The following TBC1D5 variants were observed in gnomAD, a reference collection of about 807,000 sequenced individuals.
TBC1D5 encodes the protein TBC1 domain family member 5.
Under a neutral mutation model 100.3 loss-of-function variants are expected in TBC1D5, and 75 were observed. That is an observed-to-expected ratio of 0.75 (90% CI 0.62 to 0.91). The LOEUF (loss-of-function observed/expected upper bound fraction) is 0.91. TBC1D5 is among the 40% of genes least tolerant of loss of function. The pLI is 0.00. For missense variants in TBC1D5, 910 were observed against 942.4 expected, an observed-to-expected ratio of 0.97 and a Z score of 0.45; for synonymous variants, 323 against 325.6, an observed-to-expected ratio of 0.99 and a Z score of 0.09.
intron 3 of TBC1D5, among the ~76,000 whole-genome samples, chr3:17,436,177 A>G (rs1480079096): frequency 6.6e-6 from 1 of 152,234 alleles, no homozygotes; most frequent in Non-Finnish European, 1.5e-5. Context: ...CATAATTAAA[A>G]GCTAAGACTC....
At chr3:17,178,332 T>C (rs2068050589) in intron 19 of TBC1D5, among the ~76,000 whole-genome samples, 1 of 152,030 alleles carries the variant, frequency 6.6e-6, no homozygotes, top group South Asian at 2.1e-4. Flanking sequence ...CCCAAAGTGC[T>C]GGGATTACAG....
intron 16 of TBC1D5, among the ~76,000 whole-genome samples, chr3:17,244,733 G>C (rs2076582249): frequency 1.3e-5 from 2 of 151,924 alleles, no homozygotes; most frequent in African/African-American, 2.4e-5. Context: ...TGTCATTATT[G>C]ATCTGCTGAG....
Position 17,612,299 on chromosome 3 carries a change from CAAAAAAAAAAA to C in TBC1D5, c.-36+11539_-36+11549del, listed in dbSNP as rs111532896. 8.2e-5 allele frequency among the ~76,000 whole-genome samples: 5 copies of C among 61,020 alleles called. No individual in the cohort carries two copies. The South Asian group carries it at 2.4e-3, about 29-fold the overall frequency. 40.0% of individuals were successfully genotyped at this position (61,020 alleles called of 152,430 possible). On this transcript the variant is annotated intron_variant, in intron 2 of 21. Transcript: ENST00000253692. ...TGGGTGACAGACTAAGACACCGTCTCAAAAAAAAAAAAAAAAAGAATTGAAAAGAAGAAATA... is the reference window on the plus strand; with the variant it reads ...TGGGTGACAGACTAAGACACCGTCTCAAAAAAGAATTGAAAAGAAGAAATA...
In TBC1D5 at chr3:17,624,339, A is replaced by C. The variant is rs371279206; in HGVS notation, c.-100-426T>G. On this transcript the variant is annotated intron_variant, in intron 1 of 21. Coordinates refer to ENST00000253692, the Ensembl canonical transcript of TBC1D5. The stretch of plus-strand genomic sequence containing the variant: ...TGCCTTTATTTTTTTATAATTAAGC[A>C]ATTTTAGAGTATTTTTGTCACAACG... 1.1e-3 allele frequency among the ~76,000 whole-genome samples: 165 copies of C among 152,258 alleles called. 2 individuals carry two copies. The South Asian group carries it at 0.018, about 17-fold the overall frequency.
chr3:17,645,289 A>G (rs2064912358), intron 1 of TBC1D5, among the ~76,000 whole-genome samples: 1 of 151,984 alleles, frequency 6.6e-6, no homozygotes, highest in African/African-American at 2.4e-5. Context: ...GGGGAGATAC[A>G]GAGGAGAGTA....
At chr3:17,707,604 A>G (rs559902373) in intron 1 of TBC1D5, among the ~76,000 whole-genome samples, 7 of 152,208 alleles carry the variant, frequency 4.6e-5, no homozygotes, top group Non-Finnish European at 1.0e-4. Flanking sequence ...TCTAATATAA[A>G]AAGATGATGT....
At chr3:17,342,449 C>T (rs925704344) in intron 13 of TBC1D5, among the ~76,000 whole-genome samples, 3 of 152,204 alleles carry the variant, frequency 2.0e-5, no homozygotes, top group Non-Finnish European at 4.4e-5. Flanking sequence ...ATTTCTTCTA[C>T]ACACCAAGAT....
At chr3:17,489,673 A>G (rs1198742700) in intron 3 of TBC1D5, among the ~76,000 whole-genome samples, 1 of 152,198 alleles carries the variant, frequency 6.6e-6, no homozygotes, top group African/African-American at 2.4e-5. Context: ...ATGATACTGC[A>G]AAGGACATGA....
chr3:17,487,645 T>TA (rs1231072052), intron 3 of TBC1D5, among the ~76,000 whole-genome samples: 1 of 152,148 alleles, frequency 6.6e-6, no homozygotes, highest in African/African-American at 2.4e-5. Context: ...CTATTTCTAA[T>TA]AATTTGTAAT....
intron 18 of TBC1D5, among the ~76,000 whole-genome samples, chr3:17,185,502 A>G (rs778544783): frequency 6.6e-6 from 1 of 152,366 alleles, no homozygotes; most frequent in Middle Eastern, 3.4e-3. Context: ...ATTTGCATAT[A>G]CAACCTTGTA....
chr3:17,452,232 A>G lies in TBC1D5; in HGVS notation c.98-23713T>C, dbSNP rs150038172. The stretch of plus-strand genomic sequence containing the variant: ...GAGAAAATCAACTTCGCTAGAAGGA[A>G]GACAGGAAGGAAGGAAGGGAAGATT... On this transcript the variant is annotated intron_variant, in intron 3 of 21. Transcript: ENST00000253692. Among the ~76,000 whole-genome samples, 385 of 152,312 alleles carry G rather than the reference A, an allele frequency of 2.5e-3. 2 individuals are homozygous for G. The highest frequency in any genetic ancestry group is 8.5e-3 in the African/African-American group (355 of 41,558).
chr3:17,607,647 C>T (rs1217364904), intron 2 of TBC1D5, among the ~76,000 whole-genome samples: 3 of 151,984 alleles, frequency 2.0e-5, no homozygotes. Context: ...AGATGCAATT[C>T]CTTGCCCCCG....
chr3:17,180,602 G>T (rs2068330429), intron 19 of TBC1D5, among the ~76,000 whole-genome samples: 2 of 152,296 alleles, frequency 1.3e-5, no homozygotes, highest in South Asian at 2.1e-4. Flanking sequence ...GCCATAAAAA[G>T]AATGAAATCA....
chr3:17,718,604 T>C (rs1481435389), intron 1 of TBC1D5, among the ~76,000 whole-genome samples: 1 of 151,800 alleles, frequency 6.6e-6, no homozygotes, highest in Admixed American at 6.6e-5. Flanking sequence ...CTCAAAAAAA[T>C]AAAATAAAAT....
At chr3:17,261,752 G>A (rs1170347764) in intron 15 of TBC1D5, among the ~76,000 whole-genome samples, 3 of 151,922 alleles carry the variant, frequency 2.0e-5, no homozygotes, top group Non-Finnish European at 4.4e-5. Flanking sequence ...TGAACTCCTG[G>A]AATCAAGTGA....
chr3:17,303,074 A>C (rs112969682), intron 14 of TBC1D5, among the ~76,000 whole-genome samples: 3 of 152,118 alleles, frequency 2.0e-5, no homozygotes, highest in African/African-American at 7.2e-5. Context: ...CCTCCCATGC[A>C]ACTCTGTCCA....
At chr3:17,427,308 A>G (rs182430224) in intron 4 of TBC1D5, among the ~76,000 whole-genome samples, 42 of 152,096 alleles carry the variant, frequency 2.8e-4, no homozygotes, top group Admixed American at 2.0e-3. Flanking sequence ...TAAAATAAAG[A>G]TATCAAGTGT....
intron 2 of TBC1D5, among the ~76,000 whole-genome samples, chr3:17,564,168 A>G (rs1160091785): frequency 6.6e-6 from 1 of 152,208 alleles, no homozygotes; most frequent in Non-Finnish European, 1.5e-5. Flanking sequence ...AACAAAAAAT[A>G]AAGATAGTTT....
At chr3:17,589,152 G>A (rs1024162261) in intron 2 of TBC1D5, among the ~76,000 whole-genome samples, 2 of 152,206 alleles carry the variant, frequency 1.3e-5, no homozygotes, top group African/African-American at 2.4e-5. Context: ...ATTTTAAGCT[G>A]TATTGGGTAA....
Sources: allele counts gnomAD v4.1 joint callset (sites outside exome capture counted in the v4.1 genomes callset), GRCh38; gene constraint gnomAD v4.1.1; transcripts MANE v1.5; gene names NCBI Gene and HGNC (gene_info 2026-07-23, HGNC 2026-07-21).